SAMD5: variants seen among roughly 807,000 people sequenced by gnomAD.
SAMD5 encodes the protein sterile alpha motif domain-containing protein 5.
A neutral mutation model predicts 11.3 loss-of-function variants in SAMD5; 13 were observed. The observed-to-expected ratio is 1.15, with a 90% CI of 0.75 to 1.83. The LOEUF (loss-of-function observed/expected upper bound fraction) is 1.83, where lower values mean the gene tolerates loss of function less well. Ranked by LOEUF, SAMD5 falls within the 40% of genes most tolerant of loss-of-function variation. SAMD5 has a pLI of 0.00. For missense variants in SAMD5, 255 were observed against 239.1 expected, an observed-to-expected ratio of 1.07 and a Z score of -0.44; for synonymous variants, 129 against 111.3, an observed-to-expected ratio of 1.16 and a Z score of -1.00.
intron 1 of SAMD5, among the ~76,000 whole-genome samples, chr6:147,661,018 T>C (rs1296658401): frequency 1.3e-5 from 2 of 152,208 alleles, no homozygotes; most frequent in Non-Finnish European, 2.9e-5. Context: ...AGGTTGTGCG[T>C]AGATTTGTCC....
chr6:147,735,175 G>A (rs1791778675), intron 1 of SAMD5, among the ~76,000 whole-genome samples: 1 of 152,192 alleles, frequency 6.6e-6, no homozygotes, highest in Non-Finnish European at 1.5e-5. Context: ...GACAAATTGT[G>A]ATCAATACTC....
chr6:147,751,046 C>T, the SAMD5 span, among the ~76,000 whole-genome samples: 1 of 152,170 alleles, frequency 6.6e-6, no homozygotes, highest in South Asian at 2.1e-4. Context: ...TGCTGCTGGG[C>T]AGATGACCAC....
the SAMD5 span, among the ~76,000 whole-genome samples, chr6:147,867,338 G>T: frequency 7.5e-6 from 1 of 133,276 alleles, no homozygotes; most frequent in Non-Finnish European, 1.5e-5. Flanking sequence ...TCTAAAATAT[G>T]CCACCTGTGA....
intron 1 of SAMD5, among the ~76,000 whole-genome samples, chr6:147,534,455 CAG>C (rs1788477700): frequency 6.6e-6 from 1 of 152,114 alleles, no homozygotes; most frequent in African/African-American, 2.4e-5. Context: ...TTCATCAAGA[CAG>C]GGGAATTGCA....
intron 1 of SAMD5, among the ~76,000 whole-genome samples, chr6:147,692,796 G>T (rs1297620692): frequency 6.6e-6 from 1 of 152,224 alleles, no homozygotes; most frequent in Non-Finnish European, 1.5e-5. Flanking sequence ...AGTGTTTGCT[G>T]TTGACAAATA....
intron 1 of SAMD5, among the ~76,000 whole-genome samples, chr6:147,588,153 A>C (rs538924735): frequency 6.6e-6 from 1 of 152,048 alleles, no homozygotes; most frequent in Non-Finnish European, 1.5e-5. Context: ...AGTCACTTAA[A>C]TCTCCCTCAT....
At chr6:147,780,978 G>GA in the SAMD5 span, among the ~76,000 whole-genome samples, 2 of 151,880 alleles carry the variant, frequency 1.3e-5, no homozygotes, top group Non-Finnish European at 2.9e-5. Flanking sequence ...TTCAGGAAAA[G>GA]AAAAAAATAC....
intron 1 of SAMD5, among the ~76,000 whole-genome samples, chr6:147,547,281 G>A (rs754069314): frequency 7.9e-5 from 12 of 152,172 alleles, no homozygotes; most frequent in Non-Finnish European, 1.5e-4. Context: ...TGAGAATTCT[G>A]GGCAAGCCTC....
the SAMD5 span, among the ~76,000 whole-genome samples, chr6:147,872,809 A>G: frequency 1.6e-4 from 25 of 152,274 alleles, no homozygotes; most frequent in Admixed American, 6.5e-4. Context: ...GAACAAATGG[A>G]TGGGTCAGTA....
the SAMD5 span, among the ~76,000 whole-genome samples, chr6:147,935,838 G>C: frequency 6.6e-6 from 1 of 152,180 alleles, no homozygotes; most frequent in African/African-American, 2.4e-5. Flanking sequence ...GTGCAATTAT[G>C]TCTCACAGTT....
At chr6:147,553,957 A>G (rs2128443358) in intron 1 of SAMD5, among the ~76,000 whole-genome samples, 1 of 152,226 alleles carries the variant, frequency 6.6e-6, no homozygotes, top group East Asian at 1.9e-4. Flanking sequence ...GCCACTAAAC[A>G]TGTGTGTTAG....
the SAMD5 span, among the ~76,000 whole-genome samples, chr6:147,790,774 C>T: frequency 2.2e-4 from 11 of 50,366 alleles, no homozygotes; most frequent in East Asian, 6.4e-4. Context: ...CTCTCTTTCT[C>T]TCTCTCTCTC....
the SAMD5 span, among the ~76,000 whole-genome samples, chr6:147,856,949 C>T: frequency 3.3e-5 from 5 of 151,700 alleles, no homozygotes; most frequent in African/African-American, 9.7e-5. Flanking sequence ...TGATTAGCTT[C>T]CCTTTTCCAT....
the SAMD5 span, among the ~76,000 whole-genome samples, chr6:147,910,023 G>C: frequency 6.6e-6 from 1 of 152,114 alleles, no homozygotes; most frequent in African/African-American, 2.4e-5. Context: ...TTCGGGGAGA[G>C]CAAAGGATGT....
At chr6:147,913,643 C>G in the SAMD5 span, among the ~76,000 whole-genome samples, 1 of 152,128 alleles carries the variant, frequency 6.6e-6, no homozygotes, top group Non-Finnish European at 1.5e-5. Context: ...TTGCAGTGAG[C>G]TGAGATCACG....
rs554470209 is a variant in SAMD5 at position 147,675,563 on chromosome 6, C to T, written c.163-61754C>T. The stretch of plus-strand genomic sequence containing the variant: ...ATGAATCATTTTAACTTATTCTACG[C>T]GGGTTTTGTATGTGTAGGAGTTTTT... On this transcript the variant is annotated intron_variant, in intron 1 of 1. Coordinates refer to the SAMD5 transcript ENST00000566741. Among the ~76,000 whole-genome samples the T allele has an allele frequency of 1.6e-4, 25 of 152,156 alleles. 1 individual carries two copies. The highest frequency in any genetic ancestry group is 9.7e-4 in the East Asian group (5 of 5,174).
intron 1 of SAMD5, among the ~76,000 whole-genome samples, chr6:147,515,252 G>C (rs1207975511): frequency 7.0e-6 from 1 of 141,982 alleles, no homozygotes; most frequent in African/African-American, 2.7e-5. Flanking sequence ...AGTGGGGGCA[G>C]GAAGGAGACA....
chr6:147,583,729 G>A lies in SAMD5; in HGVS notation c.162+74342G>A, dbSNP rs144402494. 5.1e-3 allele frequency among the ~76,000 whole-genome samples: 773 copies of A among 151,902 alleles called. 7 individuals are homozygous for A. Among genetic ancestry groups the A allele is most frequent in the African/African-American group, 0.018 (728 of 41,418 alleles). On this transcript the variant is annotated intron_variant, in intron 1 of 1. Transcript: ENST00000566741. ...CTGTTGCCATTCTGCCCCATAGAACGGTAAAATGAACAGCGGGAGAAATTT... is the reference window on the plus strand; with the variant it reads ...CTGTTGCCATTCTGCCCCATAGAACAGTAAAATGAACAGCGGGAGAAATTT...
chr6:147,763,137 AT>A, the SAMD5 span, among the ~76,000 whole-genome samples: 2 of 151,888 alleles, frequency 1.3e-5, no homozygotes, highest in African/African-American at 4.8e-5. Context: ...AAATTTTGAG[AT>A]TTTTTTCATT....
Sources: gnomAD v4.1 joint callset for allele counts (sites outside exome capture counted in the v4.1 genomes callset) on GRCh38, gnomAD v4.1.1 for gene constraint, MANE v1.5 for transcripts, NCBI Gene and HGNC (gene_info 2026-07-23, HGNC 2026-07-21) for gene names.